The following ZNF326 variants were observed in gnomAD, a reference collection of about 807,000 sequenced individuals.
ZNF326 encodes zinc finger protein 326.
Under a neutral mutation model 63.1 loss-of-function variants are expected in ZNF326, and 30 were observed. The ratio of observed to expected loss-of-function variants is 0.48; its 90% CI spans 0.36 to 0.64. ZNF326 has a LOEUF of 0.64. Among genes scored for constraint, ZNF326 ranks in the 30% least tolerant of loss-of-function variants. ZNF326 has a pLI of 0.00. For missense variants in ZNF326, 609 were observed against 720.3 expected (o/e 0.85, Z 1.77); for synonymous variants, 194 against 228.2 (o/e 0.85, Z 1.35).
chr1:90,010,060 A>G, intron 5 of ZNF326, 28 bp from the exon 6 acceptor site: 1 of 1,599,162 alleles, frequency 6.3e-7, no homozygotes, highest in Non-Finnish European at 8.6e-7. Context: ...ACAATATGCT[A>G]ATATTTATTG....
intron 6 of ZNF326, among the ~76,000 whole-genome samples, chr1:90,012,610 A>G (rs923722428): frequency 3.3e-5 from 5 of 152,222 alleles, no homozygotes; most frequent in African/African-American, 1.2e-4. Context: ...TTATCACAAT[A>G]GAGAATATTT....
chr1:89,997,999 T>G (rs1027852091), intron 1 of ZNF326, 111 bp from the exon 2 acceptor site: 7 of 830,740 alleles, frequency 8.4e-6, no homozygotes, highest in Non-Finnish European at 1.3e-5. Context: ...TTGCAGATAA[T>G]TGGGTTAATG....
chr1:90,026,179 G>T (rs1275449780), intron 11 of ZNF326, among the ~76,000 whole-genome samples: 1 of 152,090 alleles, frequency 6.6e-6, no homozygotes, highest in Non-Finnish European at 1.5e-5. Context: ...TAGCCAGGAT[G>T]ATCTCAATCT....
At chr1:89,998,180 C>G in intron 2 of ZNF326, 26 bp downstream of exon 2, 1 of 1,609,340 alleles carries the variant, frequency 6.2e-7, no homozygotes, top group Non-Finnish European at 8.5e-7. Context: ...CAGCTTTTCT[C>G]TTCATGCGCA....
chr1:90,005,068 ATTC>A (rs1557518071), intron 3 of ZNF326, 30 bp downstream of exon 3: 4 of 1,614,008 alleles, frequency 2.5e-6, no homozygotes, highest in South Asian at 1.1e-5. Flanking sequence ...TTATCTAAAA[ATTC>A]TTCTTTTGAG....
intron 10 of ZNF326, 142 bp from the exon 11 acceptor site, chr1:90,022,108 T>C (rs897417227): frequency 6.4e-6 from 4 of 621,618 alleles, no homozygotes; most frequent in African/African-American, 5.6e-5. Flanking sequence ...ACTGTGGTTA[T>C]AGTAGTTGCT....
At chr1:90,002,590 AT>A (rs919054799) in intron 2 of ZNF326, among the ~76,000 whole-genome samples, 5 of 152,212 alleles carry the variant, frequency 3.3e-5, no homozygotes, top group African/African-American at 1.2e-4. Flanking sequence ...ATCACAAAAA[AT>A]TAACTATTTT....
chr1:90,028,030 G>A lies in ZNF326; in HGVS notation c.*329G>A, dbSNP rs1313160272. ...TTCTAATCATTTTATCTTAAATGCT[G>A]CTCTTGGGAGTGAATATTCAAGTGT... On this transcript the variant is annotated 3_prime_UTR_variant, in exon 12 of 12. Coordinates refer to ENST00000340281, the MANE Select transcript of ZNF326 (RefSeq NM_182976.4). 3 of 238,126 alleles carry A rather than the reference G, an allele frequency of 1.3e-5. No individual in the cohort carries two copies. Among genetic ancestry groups the A allele is most frequent in the Non-Finnish European group, 2.4e-5 (3 of 122,534 alleles). The allele number at this position is 238,126 out of a possible 1,614,324, so 14.8% of individuals were successfully genotyped here.
chr1:89,997,272 G>C (rs1397533698), intron 1 of ZNF326, among the ~76,000 whole-genome samples: 1 of 152,162 alleles, frequency 6.6e-6, no homozygotes, highest in African/African-American at 2.4e-5. Context: ...AATTAGTTTT[G>C]ATGAGGAAAT....
Position 90,004,959 on chromosome 1 carries a change from G to C in ZNF326, c.62-44G>C, listed in dbSNP as rs150457095. 1.3e-3 allele frequency: 1,989 copies of C among 1,555,878 alleles called. 15 individuals carry two copies. In the African/African-American group the frequency reaches 0.024, roughly 19 times the overall value. ...TGTTTTGTGCAAAGATCCCTGAAGA[G>C]AATGGTGTATTTTACTGACAATTTC... On this transcript the variant is annotated intron_variant, in intron 2 of 11. Transcript: ENST00000340281.
intron 11 of ZNF326, among the ~76,000 whole-genome samples, chr1:90,024,630 T>A (rs1026919923): frequency 5.3e-5 from 8 of 151,994 alleles, no homozygotes; most frequent in Middle Eastern, 3.4e-3. Context: ...ATATATATAT[T>A]TTAAGACAGA....
chr1:90,018,015 C>T (rs1431729943), intron 8 of ZNF326, among the ~76,000 whole-genome samples: 3 of 152,062 alleles, frequency 2.0e-5, no homozygotes, highest in East Asian at 1.9e-4. Context: ...ATGATCAGGC[C>T]GGGCGCAGTG....
chr1:90,027,425 G>C lies in ZNF326; in HGVS notation c.1473G>C (p.Glu491Asp). 6.2e-7 allele frequency: 1 copy of C among 1,614,022 alleles called. No homozygotes were observed. Among genetic ancestry groups the C allele is most frequent in the Non-Finnish European group, 8.5e-7 (1 of 1,179,992 alleles). Residue 491 changes from glutamate to aspartate, a missense_variant, in exon 12 of 12, where the codon GAG becomes GAC. By Grantham distance (45) the Glu-to-Asp change is conservative. Around this residue, in one of 3 missense-constraint regions of ZNF326, gnomAD observed 399 missense variants for 444.3 expected, o/e 0.90. Transcript: ENST00000340281. ...QQIEGDEEDE[E>D]KIDEPIEEEE... ...TAGAAGGAGATGAGGAGGATGAAGA[G>C]AAGATTGATGAACCTATTGAAGAAG... is the stretch of plus-strand genomic sequence containing the variant.
At chr1:90,013,308 G>A in intron 7 of ZNF326, 71 bp downstream of exon 7, 1 of 1,179,628 alleles carries the variant, frequency 8.5e-7, no homozygotes, top group Non-Finnish European at 1.2e-6. Context: ...CACATCAATT[G>A]TAATATTAAA....
intron 7 of ZNF326, among the ~76,000 whole-genome samples, chr1:90,014,688 C>T (rs1649416805): frequency 6.6e-6 from 1 of 152,040 alleles, no homozygotes; most frequent in Admixed American, 6.5e-5. Context: ...CATCTCTAAA[C>T]AAAACAAAAC....
At chr1:90,017,737 A>C (rs1043039448) in intron 8 of ZNF326, among the ~76,000 whole-genome samples, 1 of 152,216 alleles carries the variant, frequency 6.6e-6, no homozygotes, top group Admixed American at 6.5e-5. Context: ...ATCATCCATT[A>C]ACTGGAGTTG....
At chr1:90,022,828 G>A (rs935012178) in intron 11 of ZNF326, among the ~76,000 whole-genome samples, 5 of 152,138 alleles carry the variant, frequency 3.3e-5, no homozygotes, top group African/African-American at 4.8e-5. Context: ...CAAAAGAGGG[G>A]ACCCACAAGG....
chr1:90,028,967 C>T lies in ZNF326; in HGVS notation c.*1266C>T, dbSNP rs958218597. The T allele has an allele frequency of 3.3e-5, 5 of 151,982 alleles. No individual in the cohort carries two copies. The highest frequency in any genetic ancestry group is 9.7e-5 in the African/African-American group (4 of 41,366). 9.4% of individuals were successfully genotyped at this position (151,982 alleles called of 1,614,324 possible). A position where few individuals can be genotyped will look rare whatever the true frequency, so the allele number is the denominator to read the frequency against. On this transcript the variant is annotated 3_prime_UTR_variant, in exon 12 of 12. Coordinates refer to ENST00000340281, the MANE Select transcript of ZNF326 (RefSeq NM_182976.4). ...GTTAAGTGTGAGCCACCATGCCCAG[C>T]TAATTTTTGTAGTTTTTGTAGAGAC...
intron 1 of ZNF326, 117 bp downstream of exon 1, chr1:89,995,390 C>T (rs1039534876): frequency 6.1e-6 from 8 of 1,314,090 alleles, no homozygotes; most frequent in African/African-American, 3.1e-5. Context: ...GCCCGGAGGC[C>T]GCCCGCCCGC....
Sources: allele counts gnomAD v4.1 joint callset (sites outside exome capture counted in the v4.1 genomes callset), GRCh38; gene constraint gnomAD v4.1.1; regional missense constraint gnomAD v4.1.1; transcripts MANE v1.5; gene names NCBI Gene and HGNC (gene_info 2026-07-23, HGNC 2026-07-21).